The following TTC7B variants were observed in gnomAD, a reference collection of about 807,000 sequenced individuals.
The protein encoded by TTC7B is tetratricopeptide repeat protein 7B.
A neutral mutation model predicts 106.8 loss-of-function variants in TTC7B; 28 were observed. The ratio of observed to expected loss-of-function variants is 0.26; its 90% confidence interval spans 0.19 to 0.36. The LOEUF is 0.36. Ranked by LOEUF, TTC7B falls within the 10% of genes least tolerant of loss-of-function variation. The pLI is 1.00. For missense variants in TTC7B, 862 were observed against 1,076.4 expected (o/e 0.80, Z 2.79); for synonymous variants, 405 against 430.6 (o/e 0.94, Z 0.74).
chr14:90,672,389 A>G (rs1886668078), intron 9 of TTC7B, among the ~76,000 whole-genome samples: 1 of 152,208 alleles, frequency 6.6e-6, no homozygotes, highest in Non-Finnish European at 1.5e-5. Flanking sequence ...AAGTCTGCCA[A>G]CAGGTTGTGG....
intron 1 of TTC7B, among the ~76,000 whole-genome samples, chr14:90,801,991 G>A (rs1396215792): frequency 2.6e-5 from 4 of 152,040 alleles, no homozygotes; most frequent in Non-Finnish European, 5.9e-5. Flanking sequence ...AACCCTGGAG[G>A]TGGAGGTTGC....
chr14:90,571,071 T>C (rs1891016266), intron 19 of TTC7B, among the ~76,000 whole-genome samples: 1 of 152,170 alleles, frequency 6.6e-6, no homozygotes, highest in Non-Finnish European at 1.5e-5. Flanking sequence ...ACAGGTGACC[T>C]GGGGCAGGTG....
chr14:90,560,087 C>T (rs1890506988), intron 19 of TTC7B, among the ~76,000 whole-genome samples: 1 of 152,236 alleles, frequency 6.6e-6, no homozygotes, highest in Non-Finnish European at 1.5e-5. Flanking sequence ...CACCGTTCTT[C>T]TCTGCCAATG....
chr14:90,546,387 T>G (rs1325245318), intron 19 of TTC7B, among the ~76,000 whole-genome samples: 1 of 152,252 alleles, frequency 6.6e-6, no homozygotes, highest in Non-Finnish European at 1.5e-5. Flanking sequence ...ATCAAAGGCC[T>G]AACTCCTGAG....
At chr14:90,787,139 A>G (rs1891420442) in intron 1 of TTC7B, among the ~76,000 whole-genome samples, 1 of 152,206 alleles carries the variant, frequency 6.6e-6, no homozygotes, top group African/African-American at 2.4e-5. Context: ...AGAGTAACAG[A>G]GTGTTCGTCT....
rs533984031 is a variant in TTC7B, at chr14:90,627,094, G to A, written c.1752-9049C>T. ...CTTCCAGGGCTTAAGAGATCCTCCCGTCTCAGCCTCCTGAGTGGCAGGGAC... is the reference window on the plus strand; with the variant it reads ...CTTCCAGGGCTTAAGAGATCCTCCCATCTCAGCCTCCTGAGTGGCAGGGAC... On this transcript the variant is annotated intron_variant, in intron 15 of 19. Transcript: ENST00000328459. Among the ~76,000 whole-genome samples, 14 of 151,460 alleles carry A rather than the reference G, an allele frequency of 9.2e-5. No individual in the cohort carries two copies. In the South Asian group the frequency reaches 2.2e-3, roughly 23 times the overall value.
chr14:90,673,654 A>T (rs777555729), intron 9 of TTC7B, among the ~76,000 whole-genome samples: 1 of 152,230 alleles, frequency 6.6e-6, no homozygotes, highest in Admixed American at 6.5e-5. Context: ...CCTCACAACA[A>T]CACTGTTCAT....
chr14:90,530,951 A>G lies in TTC7B; in HGVS notation c.*10417T>C, dbSNP rs1471985952. 1 of 152,206 alleles carries G rather than the reference A, an allele frequency of 6.6e-6. No homozygotes were observed. The highest frequency in any genetic ancestry group is 2.4e-5 in the African/African-American group (1 of 41,462). The allele number at this position is 152,206 out of a possible 1,614,324, so 9.4% of individuals were successfully genotyped here. A position where few individuals can be genotyped will look rare whatever the true frequency, so the allele number is the denominator to read the frequency against. ...TAACCACTGTGTTCCCCAATAACCT[A>G]TGAAAATAAAAAATTAAAATTCTAT... On this transcript the variant is annotated 3_prime_UTR_variant, in exon 20 of 20. Transcript: ENST00000328459.
At chr14:90,549,610 C>T (rs1889989054) in intron 19 of TTC7B, among the ~76,000 whole-genome samples, 1 of 152,118 alleles carries the variant, frequency 6.6e-6, no homozygotes, top group African/African-American at 2.4e-5. Context: ...AGGGACCTGG[C>T]TGGCCACAGG....
intron 17 of TTC7B, among the ~76,000 whole-genome samples, chr14:90,602,702 G>GAAA (rs77011716): frequency 1.6e-5 from 2 of 124,836 alleles, no homozygotes; most frequent in Non-Finnish European, 3.5e-5. Context: ...GTCTCAAAAA[G>GAAA]AAAAAAAAAA....
intron 15 of TTC7B, among the ~76,000 whole-genome samples, chr14:90,637,811 A>T (rs1419448751): frequency 6.6e-6 from 1 of 152,266 alleles, no homozygotes; most frequent in Non-Finnish European, 1.5e-5. Flanking sequence ...CTATCGTTTC[A>T]TCATTAACAA....
intron 4 of TTC7B, among the ~76,000 whole-genome samples, chr14:90,738,236 G>A (rs924781028): frequency 2.0e-5 from 3 of 152,110 alleles, no homozygotes; most frequent in African/African-American, 7.2e-5. Flanking sequence ...TAGCAATTTC[G>A]GCAAAATAAC....
chr14:90,689,808 C>A, intron 6 of TTC7B, 96 bp from the exon 7 acceptor site: 6 of 1,332,534 alleles, frequency 4.5e-6, no homozygotes, highest in Non-Finnish European at 6.1e-6. Context: ...TCACATTGTG[C>A]TAAGCACTAC....
At chr14:90,656,138 T>C (rs1286535916) in intron 11 of TTC7B, among the ~76,000 whole-genome samples, 1 of 152,200 alleles carries the variant, frequency 6.6e-6, no homozygotes, top group African/African-American at 2.4e-5. Context: ...CAAAACATCT[T>C]TTCTACATTT....
chr14:90,808,950 C>A lies in TTC7B; in HGVS notation c.121+7225G>T, dbSNP rs1039428214. Among the ~76,000 whole-genome samples the A allele has an allele frequency of 3.3e-5, 5 of 152,204 alleles. No homozygotes were observed. Among genetic ancestry groups the A allele is most frequent in the African/African-American group, 1.2e-4 (5 of 41,464 alleles). ...GTAAGAGGTGTACCAGTTAGAACGC[C>A]TTCAGCAGCCAGTAACGACCAAACG... On this transcript the variant is annotated intron_variant, in intron 1 of 19. Transcript: ENST00000328459. This position sits in a 1 kb window ranked among gnomAD's most constrained non-coding sequence, Gnocchi z 4.2.
At chr14:90,786,092 TC>T in intron 2 of TTC7B, 81 bp downstream of exon 2, 1 of 1,433,816 alleles carries the variant, frequency 7.0e-7, no homozygotes, top group Non-Finnish European at 9.2e-7. Flanking sequence ...GCTCCAAACG[TC>T]ACCCGGCTCA....
intron 15 of TTC7B, among the ~76,000 whole-genome samples, chr14:90,638,369 C>A (rs1885034292): frequency 1.3e-5 from 2 of 152,130 alleles, no homozygotes; most frequent in South Asian, 4.1e-4. Flanking sequence ...TGTCATTAGA[C>A]TTATTAAGAA....
At position 90,644,205 on chromosome 14, in the gene TTC7B, G is replaced by C. The variant is rs1885322960; in HGVS notation, c.1594C>G (p.Pro532Ala). The change falls in exon 15 of 20, where the codon CCA becomes GCA. Residue 532 changes from proline (P) to alanine (A), a missense_variant. Pro to Ala is a conservative substitution (Grantham distance 27). Coordinates refer to ENST00000328459, the MANE Select transcript of TTC7B (RefSeq NM_001010854.2). ...TGGCGGACATACCCCAGAGCCTCTG[G>C]GATCTGGTTTAAAACAAAACCAAAA... ...ALQLAISRQI[P>A]EALGYVRQAL... The C allele has an allele frequency of 1.3e-6, 2 of 1,585,016 alleles. No individual in the cohort carries two copies. Among genetic ancestry groups the C allele is most frequent in the East Asian group, 4.5e-5 (2 of 44,554 alleles).
chr14:90,565,394 T>C (rs1890747958), intron 19 of TTC7B, among the ~76,000 whole-genome samples: 1 of 148,856 alleles, frequency 6.7e-6, no homozygotes, highest in Non-Finnish European at 1.5e-5. Flanking sequence ...CTTAATCCTT[T>C]CTAGCTTTTT....
Sources: gnomAD v4.1 joint callset for allele counts (sites outside exome capture counted in the v4.1 genomes callset) on GRCh38, gnomAD v4.1.1 for gene constraint, Gnocchi (gnomAD v3.1) non-coding constraint, MANE v1.5 for transcripts, NCBI Gene and HGNC (gene_info 2026-07-23, HGNC 2026-07-21) for gene names.